Variants in ZDHHC14 observed in about 807,000 individuals in gnomAD.
ZDHHC14 encodes the protein palmitoyltransferase ZDHHC14.
Under a neutral mutation model 47.7 loss-of-function variants are expected in ZDHHC14, and 16 were observed. The observed-to-expected ratio is 0.34, with a 90% CI of 0.23 to 0.51. The LOEUF is 0.51. Among genes scored for constraint, ZDHHC14 ranks in the 20% least tolerant of loss-of-function variants. The pLI is 0.97. For missense variants in ZDHHC14, 515 were observed against 662.5 expected (o/e 0.78, Z 2.44); for synonymous variants, 293 against 278.9 (o/e 1.05, Z -0.50).
At chr6:157,592,315 A>T (rs1783938142) in intron 2 of ZDHHC14, among the ~76,000 whole-genome samples, 1 of 152,206 alleles carries the variant, frequency 6.6e-6, no homozygotes, top group South Asian at 2.1e-4. Context: ...TATTGAGATG[A>T]TAAAATGTAG....
At chr6:157,405,533 A>C (rs1460634052) in intron 1 of ZDHHC14, among the ~76,000 whole-genome samples, 1 of 151,926 alleles carries the variant, frequency 6.6e-6, no homozygotes, top group Admixed American at 6.6e-5. Context: ...TGCCTGGCCG[A>C]GCTCAAAATT....
At chr6:157,662,724 G>A (rs1021396336) in intron 8 of ZDHHC14, among the ~76,000 whole-genome samples, 16 of 152,210 alleles carry the variant, frequency 1.1e-4, no homozygotes, top group African/African-American at 3.6e-4. Context: ...GCCATGGTGG[G>A]ATGAAATTAA....
At chr6:157,576,328 C>G (rs957763132) in intron 2 of ZDHHC14, among the ~76,000 whole-genome samples, 8 of 152,286 alleles carry the variant, frequency 5.3e-5, no homozygotes, top group African/African-American at 1.9e-4. Context: ...GAAACCGAAA[C>G]AATGTATATA....
chr6:157,494,080 C>T (rs945039746), intron 1 of ZDHHC14, among the ~76,000 whole-genome samples: 4 of 152,210 alleles, frequency 2.6e-5, no homozygotes, highest in African/African-American at 9.7e-5. Context: ...TTGGCTCTGG[C>T]TTTTGAGCAA....
chr6:157,421,385 G>C (rs1196572687), intron 1 of ZDHHC14, among the ~76,000 whole-genome samples: 3 of 150,714 alleles, frequency 2.0e-5, no homozygotes, highest in East Asian at 2.0e-4. Flanking sequence ...CCAGCTATTC[G>C]GAGGGGCTGA....
intron 3 of ZDHHC14, among the ~76,000 whole-genome samples, chr6:157,612,954 T>G (rs1381228584): frequency 5.3e-5 from 8 of 151,848 alleles, no homozygotes; most frequent in African/African-American, 1.4e-4. Context: ...GAAACCCATA[T>G]CCTTCACCCT....
At chr6:157,663,910 A>G (rs1778445532) in intron 8 of ZDHHC14, among the ~76,000 whole-genome samples, 1 of 152,194 alleles carries the variant, frequency 6.6e-6, no homozygotes, top group East Asian at 1.9e-4. Flanking sequence ...CATTTTATAG[A>G]TTAACAAAAC....
intron 8 of ZDHHC14, among the ~76,000 whole-genome samples, chr6:157,659,830 C>T (rs150071512): frequency 8.7e-4 from 132 of 152,318 alleles, no homozygotes; most frequent in Admixed American, 1.2e-3. Context: ...AAAGTTCTTG[C>T]GTTCCAATCC....
intron 3 of ZDHHC14, among the ~76,000 whole-genome samples, chr6:157,594,015 A>T (rs1234845224): frequency 2.6e-5 from 4 of 152,208 alleles, no homozygotes; most frequent in Non-Finnish European, 5.9e-5. Flanking sequence ...CTGGGAGAAT[A>T]AGCAATGGAA....
intron 3 of ZDHHC14, among the ~76,000 whole-genome samples, chr6:157,603,645 A>G (rs1213640221): frequency 1.3e-5 from 2 of 152,184 alleles, no homozygotes; most frequent in Non-Finnish European, 2.9e-5. Flanking sequence ...GCCCTTAACA[A>G]GCAGCATTTC....
intron 1 of ZDHHC14, among the ~76,000 whole-genome samples, chr6:157,515,538 A>C (rs547162261): frequency 1.4e-5 from 2 of 139,066 alleles, no homozygotes; most frequent in African/African-American, 5.4e-5. Context: ...ATCTCCGCTC[A>C]CTGCAAGCTC....
At chr6:157,510,863 A>ACCTCCCTCCCTC (rs1306247657) in intron 1 of ZDHHC14, among the ~76,000 whole-genome samples, 2 of 152,240 alleles carry the variant, frequency 1.3e-5, no homozygotes, top group African/African-American at 4.8e-5. Context: ...TGCCTTCCTC[A>ACCTCCCTCCCTC]GACACCTCCC....
rs748206201 is a variant in ZDHHC14, at chr6:157,382,028, C to T, written c.7C>T (p.Pro3Ser). Residue 3 changes from proline (P) to serine (S), a missense_variant, in exon 1 of 9, where the codon CCC becomes TCC. Pro to Ser is a moderately conservative substitution (Grantham distance 74). Transcript: ENST00000359775. Reference sequence around the variant, plus strand: ...CAGCCGGCTGCCCTCGTGGATGCCTCCCGGCGGCGGCGGGCCCATGAAAGA... The same window carrying T: ...CAGCCGGCTGCCCTCGTGGATGCCTTCCGGCGGCGGCGGGCCCATGAAAGA... MP[P>S]GGGGPMKDCE... The T allele has an allele frequency of 6.6e-7, 1 of 1,522,042 alleles. No homozygotes were observed. The allele number at this position is 1,522,042 out of a possible 1,614,324, so 94.3% of individuals were successfully genotyped here. A position where few individuals can be genotyped will look rare whatever the true frequency, so the allele number is the denominator to read the frequency against.
intron 1 of ZDHHC14, among the ~76,000 whole-genome samples, chr6:157,525,930 C>T (rs872075): frequency 0.59 from 89,971 of 152,030 alleles, 27,355 homozygotes; most frequent in African/African-American, 0.74. Context: ...CTGTCCTCTC[C>T]GCCGGGATAA....
At chr6:157,432,018 C>A (rs1778348602) in intron 1 of ZDHHC14, among the ~76,000 whole-genome samples, 1 of 152,172 alleles carries the variant, frequency 6.6e-6, no homozygotes, top group Non-Finnish European at 1.5e-5. Context: ...CGTGACCCAT[C>A]ATGCCAGATC....
chr6:157,410,050 C>T (rs776436111), intron 1 of ZDHHC14, among the ~76,000 whole-genome samples: 6 of 151,996 alleles, frequency 3.9e-5, no homozygotes, highest in Non-Finnish European at 2.9e-5. Context: ...AGGCTGGTCT[C>T]GAACTCCTGG....
chr6:157,565,573 C>T (rs778177485), intron 2 of ZDHHC14, among the ~76,000 whole-genome samples: 2 of 152,112 alleles, frequency 1.3e-5, no homozygotes, highest in East Asian at 3.9e-4. Context: ...AATCCCAGCA[C>T]TTTGGAAGGC....
At chr6:157,627,868 G>C (rs1454922840) in intron 3 of ZDHHC14, among the ~76,000 whole-genome samples, 2 of 152,234 alleles carry the variant, frequency 1.3e-5, no homozygotes, top group Non-Finnish European at 2.9e-5. Flanking sequence ...TGAGGACAAA[G>C]GATTGTCCCT....
intron 1 of ZDHHC14, among the ~76,000 whole-genome samples, chr6:157,452,160 G>C (rs565373564): frequency 5.3e-5 from 8 of 152,190 alleles, no homozygotes; most frequent in African/African-American, 1.7e-4. Context: ...CCTTGGACCA[G>C]ACAGATTTAT....
Sources: allele counts gnomAD v4.1 joint callset (sites outside exome capture counted in the v4.1 genomes callset), GRCh38; gene constraint gnomAD v4.1.1; transcripts MANE v1.5; gene names NCBI Gene and HGNC (gene_info 2026-07-23, HGNC 2026-07-21).